The following KCNH5 variants were observed in gnomAD, a reference collection of about 807,000 sequenced individuals.
KCNH5 encodes voltage-gated delayed rectifier potassium channel KCNH5.
KCNH5 carries 46 observed loss-of-function variants against 96.1 expected under a neutral mutation model. That is an observed-to-expected ratio of 0.48 (90% CI 0.38 to 0.61). The LOEUF is 0.61. KCNH5 is among the 20% of genes least tolerant of loss of function. The pLI is 0.00. For synonymous variants in KCNH5, 439 were observed against 449.8 expected, an observed-to-expected ratio of 0.98 and a Z score of 0.30; for missense variants, 907 against 1,225.8, an observed-to-expected ratio of 0.74 and a Z score of 3.88.
chr14:62,721,131 C>A (rs528583333), intron 10 of KCNH5, among the ~76,000 whole-genome samples: 4 of 152,180 alleles, frequency 2.6e-5, no homozygotes, highest in Admixed American at 2.0e-4. Flanking sequence ...CTCTGTGTCT[C>A]CTGATTCTAT....
intron 1 of KCNH5, among the ~76,000 whole-genome samples, chr14:63,040,041 T>C (rs1251966997): frequency 6.6e-6 from 1 of 152,136 alleles, no homozygotes; most frequent in Non-Finnish European, 1.5e-5. Flanking sequence ...GGCTACACTC[T>C]GGAGAATGCA....
At chr14:62,948,343 C>T (rs979200771) in intron 7 of KCNH5, among the ~76,000 whole-genome samples, 4 of 152,096 alleles carry the variant, frequency 2.6e-5, no homozygotes, top group African/African-American at 9.7e-5. Context: ...ACCGATCCCA[C>T]AGAAATACAA....
chr14:62,780,981 C>A lies in KCNH5; in HGVS notation c.1823-1057G>T, dbSNP rs1293711039. Reference sequence around the variant, plus strand: ...GAGGTGAGCAACTATCTGCTGTCATCATGCAGATTAAAATCAGAACTAACA... The same window carrying A: ...GAGGTGAGCAACTATCTGCTGTCATAATGCAGATTAAAATCAGAACTAACA... On this transcript the variant is annotated intron_variant, in intron 9 of 10. Coordinates refer to ENST00000322893, the MANE Select transcript of KCNH5 (RefSeq NM_139318.5). 5.9e-5 allele frequency among the ~76,000 whole-genome samples: 9 copies of A among 151,968 alleles called. No individual in the cohort carries two copies. In the South Asian group the frequency reaches 1.0e-3, roughly 18 times the overall value.
chr14:62,867,691 A>C lies in KCNH5; in HGVS notation c.1370-17839T>G, dbSNP rs565490375. 4.6e-5 allele frequency among the ~76,000 whole-genome samples: 7 copies of C among 152,290 alleles called. 1 individual carries two copies. Among genetic ancestry groups the C allele is most frequent in the Admixed American group, 4.6e-4 (7 of 15,290 alleles). On this transcript the variant is annotated intron_variant, in intron 7 of 10. Coordinates refer to ENST00000322893, the MANE Select transcript of KCNH5 (RefSeq NM_139318.5). ...CAGGGGCTCTTATCACAAGTAGAAT[A>C]AAACCAAAGGCTGCACAATCTTCAT... is the stretch of plus-strand genomic sequence containing the variant.
chr14:62,789,012 C>T (rs1886377072), intron 9 of KCNH5, among the ~76,000 whole-genome samples: 1 of 152,180 alleles, frequency 6.6e-6, no homozygotes, highest in African/African-American at 2.4e-5. Context: ...TTCATCTATA[C>T]ATTAGATCTC....
intron 8 of KCNH5, among the ~76,000 whole-genome samples, chr14:62,825,145 A>G (rs1262742103): frequency 6.6e-6 from 1 of 152,038 alleles, no homozygotes; most frequent in Non-Finnish European, 1.5e-5. Context: ...TGCTGGATGG[A>G]ATGGTAGTTC....
intron 1 of KCNH5, among the ~76,000 whole-genome samples, chr14:63,033,050 C>G (rs1891658378): frequency 6.6e-6 from 1 of 152,118 alleles, no homozygotes; most frequent in Admixed American, 6.6e-5. Flanking sequence ...CTGATACATC[C>G]ATTTCTCCCC....
At chr14:62,731,554 C>A (rs1885051450) in intron 10 of KCNH5, among the ~76,000 whole-genome samples, 1 of 152,052 alleles carries the variant, frequency 6.6e-6, no homozygotes, top group African/African-American at 2.4e-5. Context: ...TTGAACCTCA[C>A]CTGAATTCAT....
intron 8 of KCNH5, among the ~76,000 whole-genome samples, chr14:62,815,305 C>T (rs1007971423): frequency 6.6e-6 from 1 of 152,114 alleles, no homozygotes; most frequent in Admixed American, 6.6e-5. Context: ...CTGAAGAAGA[C>T]ATGGGATATA....
rs149546038 is a variant in KCNH5, at chr14:62,973,849, T to C, written c.942+7023A>G. On this transcript the variant is annotated intron_variant, in intron 6 of 10. Coordinates refer to ENST00000322893, the MANE Select transcript of KCNH5 (RefSeq NM_139318.5). ...CTATATTAAATAACAATTTCTAACA[T>C]GTTATTCTTTGTAGAAGGTCTGAGA... Among the ~76,000 whole-genome samples the C allele has an allele frequency of 3.5e-4, 54 of 152,274 alleles. 2 individuals carry two copies. Among genetic ancestry groups the C allele is most frequent in the African/African-American group, 1.1e-3 (45 of 41,554 alleles).
chr14:63,028,109 CCTCTCTCT>C (rs10547361), intron 1 of KCNH5, among the ~76,000 whole-genome samples: 1 of 148,662 alleles, frequency 6.7e-6, no homozygotes, highest in Non-Finnish European at 1.5e-5. Flanking sequence ...GCTTTACAAA[CCTCTCTCT>C]CTCTCTCTCT....
At chr14:63,024,177 C>A (rs1301494885) in intron 1 of KCNH5, among the ~76,000 whole-genome samples, 1 of 145,446 alleles carries the variant, frequency 6.9e-6, no homozygotes, top group Non-Finnish European at 1.5e-5. Context: ...CCACTGCACT[C>A]CAGCCTGGGC....
chr14:62,972,036 G>A (rs182984133), intron 6 of KCNH5, among the ~76,000 whole-genome samples: 1 of 152,162 alleles, frequency 6.6e-6, no homozygotes, highest in African/African-American at 2.4e-5. Flanking sequence ...ATTCTGCTCT[G>A]CAAAAGTCAC....
At chr14:62,994,196 T>C (rs943632431) in intron 4 of KCNH5, among the ~76,000 whole-genome samples, 3 of 152,234 alleles carry the variant, frequency 2.0e-5, no homozygotes, top group African/African-American at 7.2e-5. Flanking sequence ...ATTTCATCTG[T>C]TGTTTCCTCT....
At chr14:62,827,904 CAT>C (rs1191977105) in intron 8 of KCNH5, among the ~76,000 whole-genome samples, 18 of 152,232 alleles carry the variant, frequency 1.2e-4, no homozygotes, top group African/African-American at 2.4e-4. Flanking sequence ...GATCTTTACA[CAT>C]GTCTTCTCTA....
chr14:62,781,582 G>T (rs36107257), intron 9 of KCNH5, among the ~76,000 whole-genome samples: 2 of 152,184 alleles, frequency 1.3e-5, no homozygotes, highest in East Asian at 1.9e-4. Context: ...CGCCAGGTGC[G>T]CATTCTCTTT....
rs58967638 is a variant in KCNH5, at chr14:62,851,514, AAC to A, written c.1370-1664_1370-1663del. On this transcript the variant is annotated intron_variant, in intron 7 of 10. Transcript: ENST00000322893. ...GGTCTTTCCTAAAAAAAAAAAAAAA[AAC>A]CTAAAGGTAATCACAGACTTAACAT... Among the ~76,000 whole-genome samples the A allele has an allele frequency of 8.7e-4, 122 of 140,352 alleles. 1 individual carries two copies. Among genetic ancestry groups the A allele is most frequent in the Middle Eastern group, 7.8e-3 (2 of 258 alleles). 92.1% of individuals were successfully genotyped at this position (140,352 alleles called of 152,430 possible).
chr14:62,988,212 C>T (rs1890745724), intron 4 of KCNH5, among the ~76,000 whole-genome samples: 1 of 152,018 alleles, frequency 6.6e-6, no homozygotes, highest in African/African-American at 2.4e-5. Flanking sequence ...TATCCTTTCC[C>T]TAGATATCTC....
intron 7 of KCNH5, among the ~76,000 whole-genome samples, chr14:62,929,563 C>T (rs1304400121): frequency 3.3e-5 from 5 of 152,082 alleles, no homozygotes; most frequent in African/African-American, 9.7e-5. Context: ...CCCTTCCTCA[C>T]TCTTATCTCA....
Sources: allele counts gnomAD v4.1 joint callset (sites outside exome capture counted in the v4.1 genomes callset), GRCh38; gene constraint gnomAD v4.1.1; transcripts MANE v1.5; gene names NCBI Gene and HGNC (gene_info 2026-07-23, HGNC 2026-07-21).